Variants in TNFRSF10A observed in about 807,000 individuals in gnomAD.
TNFRSF10A encodes the protein tumor necrosis factor receptor superfamily member 10A.
TNFRSF10A carries 44 observed loss-of-function variants against 42.8 expected under a neutral mutation model. The observed-to-expected ratio is 1.03, with a 90% CI of 0.81 to 1.32. The LOEUF (loss-of-function observed/expected upper bound fraction) is 1.32. Ranked by LOEUF, TNFRSF10A falls within the 40% of genes most tolerant of loss-of-function variation. The probability of loss-of-function intolerance (pLI) is 0.00; values close to 1 mark genes in which losing one functional copy is unlikely to be tolerated. For missense variants in TNFRSF10A, 680 were observed against 602.0 expected, an observed-to-expected ratio of 1.13 and a Z score of -1.36; for synonymous variants, 259 against 234.2, an observed-to-expected ratio of 1.11 and a Z score of -0.97.
intron 1 of TNFRSF10A, among the ~76,000 whole-genome samples, chr8:23,215,624 T>C (rs1467087675): frequency 6.6e-6 from 1 of 152,180 alleles, no homozygotes; most frequent in East Asian, 1.9e-4. Flanking sequence ...TTGTGGCTAT[T>C]TTGCTAAGTA....
At position 23,201,923 on chromosome 8, in the gene TNFRSF10A, A is replaced by G; in HGVS notation, c.518-4T>C. 1 of 1,613,360 alleles carries G rather than the reference A, an allele frequency of 6.2e-7. No individual in the cohort carries two copies. Among genetic ancestry groups the G allele is most frequent in the Non-Finnish European group, 8.5e-7 (1 of 1,179,506 alleles). ...CAGGGACTTCTCTCTTCTTCATCTG[A>G]TGACAGAGTACAAGGTTTTGGGAAT... On this transcript the variant is annotated splice_polypyrimidine_tract_variant and splice_region_variant and intron_variant, in intron 3 of 9. Transcript: ENST00000221132.
chr8:23,213,243 T>C (rs1801114858), intron 1 of TNFRSF10A, among the ~76,000 whole-genome samples: 1 of 152,032 alleles, frequency 6.6e-6, no homozygotes, highest in Non-Finnish European at 1.5e-5. Context: ...AAATGTCCCC[T>C]CTTTCATTTC....
intron 2 of TNFRSF10A, 63 bp downstream of exon 2, chr8:23,212,053 G>A (rs1000487155): frequency 1.9e-5 from 26 of 1,378,042 alleles, no homozygotes; most frequent in African/African-American, 1.6e-4. Flanking sequence ...GATAATTTTT[G>A]TATATAGTAT....
chr8:23,202,625 C>T (rs1345050356), intron 3 of TNFRSF10A, 23 bp downstream of exon 3: 1 of 1,595,898 alleles, frequency 6.3e-7, no homozygotes, highest in Non-Finnish European at 8.6e-7. Flanking sequence ...CACCTCTGGA[C>T]AAGAGGTCCA....
intron 1 of TNFRSF10A, among the ~76,000 whole-genome samples, chr8:23,222,737 G>A (rs1334160165): frequency 6.6e-6 from 1 of 152,126 alleles, no homozygotes; most frequent in African/African-American, 2.4e-5. Flanking sequence ...GGGGTTTGGG[G>A]TGGATCCCTC....
intron 9 of TNFRSF10A, among the ~76,000 whole-genome samples, chr8:23,193,318 A>G (rs1800779931): frequency 6.6e-6 from 1 of 152,138 alleles, no homozygotes; most frequent in Admixed American, 6.5e-5. Context: ...GCTGGAGGTG[A>G]GTTTCAGTCT....
At chr8:23,222,031 C>T (rs552350034) in intron 1 of TNFRSF10A, among the ~76,000 whole-genome samples, 2 of 152,230 alleles carry the variant, frequency 1.3e-5, no homozygotes, top group East Asian at 3.9e-4. Flanking sequence ...CGCCCGCCAC[C>T]GTGCCTGGCT....
At chr8:23,209,259 T>C (rs1472493335) in intron 2 of TNFRSF10A, among the ~76,000 whole-genome samples, 1 of 152,232 alleles carries the variant, frequency 6.6e-6, no homozygotes, top group Non-Finnish European at 1.5e-5. Flanking sequence ...AAGTTTGCTG[T>C]AGGGGCAGGG....
rs1269362509 is a variant in TNFRSF10A, at chr8:23,199,360, G to A, written c.920C>T (p.Ser307Phe). ...CATTTGCTGCTCAGAGACGAAAGTG[G>A]ACAGCGAGTCTGCGTTGCTCAGAAT... The part of the protein sequence containing the change: ...NEILSNADSL[S>F]TFVSEQQMES... Residue 307 changes from serine (S) to phenylalanine (F), a missense_variant, in exon 8 of 10, where the codon TCC becomes TTC. Physicochemically the swap from Ser to Phe is radical, Grantham distance 155. Coordinates refer to ENST00000221132, the MANE Select transcript of TNFRSF10A (RefSeq NM_003844.4). 1 of 1,614,080 alleles carries A rather than the reference G, an allele frequency of 6.2e-7. No individual in the cohort carries two copies. The highest frequency in any genetic ancestry group is 8.5e-7 in the Non-Finnish European group (1 of 1,180,038).
At chr8:23,196,729 T>C (rs1039152460) in intron 9 of TNFRSF10A, among the ~76,000 whole-genome samples, 3 of 152,230 alleles carry the variant, frequency 2.0e-5, no homozygotes, top group Non-Finnish European at 2.9e-5. Context: ...CCATTCTTTC[T>C]TGCATTAAGT....
intron 1 of TNFRSF10A, 133 bp downstream of exon 1, chr8:23,224,623 G>T: frequency 2.5e-6 from 3 of 1,220,204 alleles, no homozygotes; most frequent in Non-Finnish European, 3.3e-6. Flanking sequence ...CTCCGACGAC[G>T]GGCTCCTCCT....
At chr8:23,199,486 C>A in intron 7 of TNFRSF10A, 38 bp from the exon 8 acceptor site, 1 of 1,597,100 alleles carries the variant, frequency 6.3e-7, no homozygotes, top group South Asian at 1.1e-5. Flanking sequence ...AGCCCACACC[C>A]AGGGCTCCCC....
chr8:23,221,082 T>C (rs927934755), intron 1 of TNFRSF10A, among the ~76,000 whole-genome samples: 1 of 152,162 alleles, frequency 6.6e-6, no homozygotes, highest in Admixed American at 6.5e-5. Context: ...TAGAACCTTC[T>C]GCCCCAAGCT....
intron 1 of TNFRSF10A, 119 bp downstream of exon 1, chr8:23,224,637 C>A (rs1178846753): frequency 3.8e-6 from 5 of 1,327,774 alleles, no homozygotes; most frequent in Non-Finnish European, 5.1e-6. Flanking sequence ...TCCTCCTGCC[C>A]GGACATGCCC....
intron 6 of TNFRSF10A, 97 bp from the exon 7 acceptor site, chr8:23,200,014 G>T: frequency 1.3e-6 from 2 of 1,484,724 alleles, no homozygotes; most frequent in Non-Finnish European, 1.9e-6. Context: ...TGGGGGCTGG[G>T]ACACTGGACA....
chr8:23,206,487 C>T (rs1801010885), intron 2 of TNFRSF10A, among the ~76,000 whole-genome samples: 1 of 152,170 alleles, frequency 6.6e-6, no homozygotes. Context: ...AACTCAAATA[C>T]TTATCATTGT....
At chr8:23,204,099 T>C (rs1800973188) in intron 2 of TNFRSF10A, among the ~76,000 whole-genome samples, 1 of 152,100 alleles carries the variant, frequency 6.6e-6, no homozygotes, top group South Asian at 2.1e-4. Flanking sequence ...TCCTTGCTGA[T>C]GTGTTATGAT....
At chr8:23,210,420 G>A (rs1017625018) in intron 2 of TNFRSF10A, among the ~76,000 whole-genome samples, 25 of 152,156 alleles carry the variant, frequency 1.6e-4, no homozygotes, top group African/African-American at 6.0e-4. Flanking sequence ...GGTGGCTCAC[G>A]ACTGTAATCC....
At chr8:23,221,406 G>C (rs1801254005) in intron 1 of TNFRSF10A, among the ~76,000 whole-genome samples, 1 of 152,202 alleles carries the variant, frequency 6.6e-6, no homozygotes, top group African/African-American at 2.4e-5. Flanking sequence ...GAGTGTCTAA[G>C]CTTCAGAGCC....
Sources: allele counts gnomAD v4.1 joint callset (sites outside exome capture counted in the v4.1 genomes callset), GRCh38; gene constraint gnomAD v4.1.1; transcripts MANE v1.5; gene names NCBI Gene and HGNC (gene_info 2026-07-23, HGNC 2026-07-21).